The following CTNND2 variants were observed in gnomAD, a reference collection of about 807,000 sequenced individuals.
CTNND2 encodes catenin delta 2.
In CTNND2, 22 loss-of-function variants were observed where a neutral mutation model predicts 144.4. The ratio of observed to expected loss-of-function variants is 0.15; its 90% CI spans 0.11 to 0.22. The LOEUF is 0.22. CTNND2 is among the 10% of genes least tolerant of loss of function. The pLI, the probability that CTNND2 is intolerant of heterozygous loss-of-function variation, is 1.00. For synonymous variants in CTNND2, 751 were observed against 695.6 expected, an observed-to-expected ratio of 1.08 and a Z score of -1.25; for missense variants, 1,353 against 1,618.8, an observed-to-expected ratio of 0.84 and a Z score of 2.82.
chr5:11,299,743 A>C (rs1181502950), intron 9 of CTNND2, among the ~76,000 whole-genome samples: 1 of 152,184 alleles, frequency 6.6e-6, no homozygotes, highest in African/African-American at 2.4e-5. Flanking sequence ...TGCTGAGAAC[A>C]AGTGCAAAAC....
intron 1 of CTNND2, among the ~76,000 whole-genome samples, chr5:11,820,235 C>T (rs993680702): frequency 2.0e-5 from 3 of 152,146 alleles, no homozygotes; most frequent in South Asian, 2.1e-4. Flanking sequence ...ACTGCACATT[C>T]CCTGCCATTT....
chr5:11,123,811 G>C (rs1482101974), intron 12 of CTNND2, among the ~76,000 whole-genome samples: 5 of 152,174 alleles, frequency 3.3e-5, no homozygotes, highest in African/African-American at 1.2e-4. Context: ...TGGAAAGGTA[G>C]AGTACTTCTT....
chr5:11,739,202 C>A (rs1160146388), intron 1 of CTNND2, among the ~76,000 whole-genome samples: 21 of 152,186 alleles, frequency 1.4e-4, no homozygotes, highest in Non-Finnish European at 2.9e-4. Context: ...GTAGTAAATT[C>A]TCTGATGTAA....
intron 1 of CTNND2, among the ~76,000 whole-genome samples, chr5:11,732,752 G>C (rs1485838160): frequency 1.3e-5 from 2 of 152,092 alleles, no homozygotes; most frequent in Non-Finnish European, 2.9e-5. Context: ...GGTACTGGGT[G>C]TGTCAGGTCT....
intron 8 of CTNND2, among the ~76,000 whole-genome samples, chr5:11,360,408 G>A (rs184207595): frequency 1.3e-5 from 2 of 152,258 alleles, no homozygotes; most frequent in Admixed American, 1.3e-4. Context: ...CCTTAGTGGT[G>A]TTTTGAGTAA....
intron 12 of CTNND2, among the ~76,000 whole-genome samples, chr5:11,144,630 T>C (rs1381005896): frequency 6.6e-6 from 1 of 152,094 alleles, no homozygotes; most frequent in Admixed American, 6.5e-5. Context: ...AAGCAGAGAA[T>C]GAGGTCTTAG....
chr5:11,666,305 T>C (rs76546086), intron 2 of CTNND2, among the ~76,000 whole-genome samples: 43 of 152,270 alleles, frequency 2.8e-4, no homozygotes, highest in African/African-American at 1.0e-3. Context: ...GGAAGAAACA[T>C]CCCAAGTCAG....
chr5:11,785,225 T>C (rs1252049392), intron 1 of CTNND2, among the ~76,000 whole-genome samples: 1 of 152,192 alleles, frequency 6.6e-6, no homozygotes, highest in African/African-American at 2.4e-5. Context: ...AACATTATAG[T>C]GTTCACATTT....
rs1272666496 is a variant in CTNND2 at position 11,330,268 on chromosome 5, G to A, written c.1628+16104C>T. On this transcript the variant is annotated intron_variant, in intron 9 of 21. Transcript: ENST00000304623. Reference sequence around the variant, plus strand: ...GGGCGGATCACGAGGTCAGGAGATCGAGACCTTCCTGGCTAACATGGTGAA... The same window carrying A: ...GGGCGGATCACGAGGTCAGGAGATCAAGACCTTCCTGGCTAACATGGTGAA... Among the ~76,000 whole-genome samples, 5 of 145,954 alleles carry A rather than the reference G, an allele frequency of 3.4e-5. No individual in the cohort carries two copies. The East Asian group carries it at 6.0e-4, about 18-fold the overall frequency.
chr5:11,140,638 G>A (rs564492505), intron 12 of CTNND2, among the ~76,000 whole-genome samples: 1 of 152,264 alleles, frequency 6.6e-6, no homozygotes, highest in Non-Finnish European at 1.5e-5. Flanking sequence ...AGGGAAGAAG[G>A]AGAGCCCATT....
At chr5:11,171,552 T>C (rs1412946163) in intron 11 of CTNND2, among the ~76,000 whole-genome samples, 5 of 152,192 alleles carry the variant, frequency 3.3e-5, no homozygotes, top group Admixed American at 1.3e-4. Flanking sequence ...TTTCAGCAGG[T>C]ATTTTGTGAA....
chr5:11,852,614 A>G (rs1371751747), intron 1 of CTNND2, among the ~76,000 whole-genome samples: 1 of 152,156 alleles, frequency 6.6e-6, no homozygotes, highest in Non-Finnish European at 1.5e-5. Context: ...TACACATCTC[A>G]TGAAAAGATA....
At chr5:11,180,323 T>G (rs1401201328) in intron 11 of CTNND2, among the ~76,000 whole-genome samples, 1 of 152,216 alleles carries the variant, frequency 6.6e-6, no homozygotes, top group Non-Finnish European at 1.5e-5. Flanking sequence ...GTGAGTTAAT[T>G]AAACTTCTTT....
At position 11,209,750 on chromosome 5, in the gene CTNND2, G is replaced by A. The variant is rs182857116; in HGVS notation, c.1762-10089C>T. On this transcript the variant is annotated intron_variant, in intron 10 of 21. Coordinates refer to ENST00000304623, the MANE Select transcript of CTNND2 (RefSeq NM_001332.4). ...ATCCTGGCTAACATGGTGAAACCCCGTCTCTACTAAAAATACAAAAAATTA... is the reference window on the plus strand; with the variant it reads ...ATCCTGGCTAACATGGTGAAACCCCATCTCTACTAAAAATACAAAAAATTA... 2.4e-4 allele frequency among the ~76,000 whole-genome samples: 37 copies of A among 152,118 alleles called. 1 individual carries two copies. The highest frequency in any genetic ancestry group is 6.0e-4 in the African/African-American group (25 of 41,500).
intron 6 of CTNND2, among the ~76,000 whole-genome samples, chr5:11,387,356 G>A (rs1759197136): frequency 6.6e-6 from 1 of 152,154 alleles, no homozygotes; most frequent in South Asian, 2.1e-4. Context: ...TACTCTGGGT[G>A]ATTATGGTGC....
chr5:11,790,122 G>A (rs1012894529), intron 1 of CTNND2, among the ~76,000 whole-genome samples: 5 of 152,252 alleles, frequency 3.3e-5, no homozygotes, highest in East Asian at 3.9e-4. Context: ...AATTGAGCTG[G>A]ACCTATCATT....
intron 8 of CTNND2, among the ~76,000 whole-genome samples, chr5:11,354,146 AC>A (rs1485306634): frequency 6.6e-6 from 1 of 152,192 alleles, no homozygotes; most frequent in African/African-American, 2.4e-5. Flanking sequence ...ATGTGGTTTC[AC>A]ACGAGGCTCA....
intron 1 of CTNND2, among the ~76,000 whole-genome samples, chr5:11,813,308 T>C (rs1792444059): frequency 6.6e-6 from 1 of 152,210 alleles, no homozygotes; most frequent in South Asian, 2.1e-4. Context: ...TCATGATGCA[T>C]TTCTCAGAAC....
chr5:11,433,084 A>G (rs369368435), intron 3 of CTNND2, among the ~76,000 whole-genome samples: 2 of 152,126 alleles, frequency 1.3e-5, no homozygotes, highest in East Asian at 3.9e-4. Context: ...CTTTACTAAA[A>G]ATACAAAAAA....
Sources: allele counts gnomAD v4.1 joint callset (sites outside exome capture counted in the v4.1 genomes callset), GRCh38; gene constraint gnomAD v4.1.1; transcripts MANE v1.5; gene names NCBI Gene and HGNC (gene_info 2026-07-23, HGNC 2026-07-21).